Variants in MED12L observed in about 807,000 individuals in gnomAD.
The protein encoded by MED12L is mediator of RNA polymerase II transcription subunit 12-like protein.
In MED12L, 60 loss-of-function variants were observed where a neutral mutation model predicts 281.3. The observed-to-expected ratio is 0.21, with a 90% confidence interval of 0.17 to 0.26. The LOEUF (loss-of-function observed/expected upper bound fraction) is 0.26, where lower values mean the gene tolerates loss of function less well. MED12L is among the 10% of genes least tolerant of loss of function. MED12L has a pLI of 1.00. For missense variants in MED12L, 2,146 were observed against 2,680.9 expected (o/e 0.80, Z 4.41); for synonymous variants, 974 against 987.2 (o/e 0.99, Z 0.25).
chr3:151,435,380 A>AAGT lies in MED12L; in HGVS notation c.*2576_*2577insAGT. On this transcript the variant is annotated 3_prime_UTR_variant, in exon 45 of 45. Transcript: ENST00000687756. Reference sequence around the variant, plus strand: ...CCTTCTTGGCCTGGAAGTAGAGGAGATCAATGCGTAGCTTTGACCACTTCC... The same window carrying AAGT: ...CCTTCTTGGCCTGGAAGTAGAGGAGAAGTTCAATGCGTAGCTTTGACCACTTCC... The AAGT allele has an allele frequency of 6.6e-6, 1 of 152,074 alleles. No individual in the cohort carries two copies. The highest frequency in any genetic ancestry group is 6.5e-5 in the Admixed American group (1 of 15,276). 9.4% of individuals were successfully genotyped at this position (152,074 alleles called of 1,614,324 possible). A position where few individuals can be genotyped will look rare whatever the true frequency, so the allele number is the denominator to read the frequency against.
chr3:151,390,744 G>T (rs949485787), intron 38 of MED12L, among the ~76,000 whole-genome samples: 2 of 152,136 alleles, frequency 1.3e-5, no homozygotes, highest in African/African-American at 4.8e-5. Context: ...TGTCAGCATT[G>T]TTAGGATGTG....
At chr3:151,183,906 CT>C (rs924351288) in intron 11 of MED12L, among the ~76,000 whole-genome samples, 23 of 152,274 alleles carry the variant, frequency 1.5e-4, no homozygotes, top group Admixed American at 7.2e-4. Context: ...TAGGGTAACT[CT>C]TTTTGTTATC....
intron 5 of MED12L, among the ~76,000 whole-genome samples, chr3:151,141,201 G>GTTTTTTTTTT (rs1716973453): frequency 3.4e-5 from 2 of 58,320 alleles, no homozygotes; most frequent in South Asian, 5.4e-4. Flanking sequence ...TTTTTTTTTT[G>GTTTTTTTTTT]TTAGTAGAGA....
At chr3:151,339,458 C>A (rs992604831) in intron 16 of MED12L, among the ~76,000 whole-genome samples, 10 of 145,664 alleles carry the variant, frequency 6.9e-5, no homozygotes, top group African/African-American at 2.5e-4. Context: ...GACCTTTTTT[C>A]TTTATATTTG....
At position 151,371,557 on chromosome 3, in the gene MED12L, A is replaced by AT. The variant is rs1033801476; in HGVS notation, c.3665-1003dup. Among the ~76,000 whole-genome samples the AT allele has an allele frequency of 7.2e-5, 11 of 152,210 alleles. No homozygotes were observed. In the East Asian group the frequency reaches 7.7e-4, roughly 11 times the overall value. ...TTTGTTAGTAAATACTCAGTAAGCC[A>AT]TTTTTTTCAGCAAAGTCAAAACTTT... On this transcript the variant is annotated intron_variant, in intron 26 of 44. Coordinates refer to ENST00000687756, the MANE Select transcript of MED12L (RefSeq NM_001393769.1).
At chr3:151,181,574 G>GTT (rs1722698171) in intron 11 of MED12L, among the ~76,000 whole-genome samples, 1 of 86,034 alleles carries the variant, frequency 1.2e-5, no homozygotes, top group African/African-American at 4.6e-5. Context: ...TTAGCTCATT[G>GTT]TCTTTTTTTT....
At chr3:151,260,375 G>T (rs1738633065) in intron 16 of MED12L, among the ~76,000 whole-genome samples, 1 of 151,916 alleles carries the variant, frequency 6.6e-6, no homozygotes, top group Non-Finnish European at 1.5e-5. Context: ...TTTGAGACAG[G>T]GTCTTGCTCT....
chr3:151,356,274 C>G (rs2150053938), intron 19 of MED12L, among the ~76,000 whole-genome samples: 1 of 152,116 alleles, frequency 6.6e-6, no homozygotes, highest in East Asian at 1.9e-4. Context: ...TGCCTGTAGT[C>G]CCAGCTACTT....
At chr3:151,146,474 T>C (rs764122780) in intron 5 of MED12L, among the ~76,000 whole-genome samples, 4 of 152,204 alleles carry the variant, frequency 2.6e-5, no homozygotes, top group Non-Finnish European at 5.9e-5. Context: ...TTCTTCTCTT[T>C]GTAGCCTCAT....
chr3:151,376,191 C>A lies in MED12L; in HGVS notation c.4030C>A (p.Gln1344Lys). The A allele has an allele frequency of 6.3e-7, 1 of 1,593,748 alleles. No homozygotes were observed. The highest frequency in any genetic ancestry group is 8.5e-7 in the Non-Finnish European group (1 of 1,171,820). The change falls in exon 28 of 45, where the codon CAG (glutamine) becomes AAG (lysine). Residue 1344 changes from glutamine to lysine, a missense_variant. Physicochemically the swap from Gln to Lys is moderately conservative, Grantham distance 53. Transcript: ENST00000687756. ...ECTEGDNLQRQHIKRILQNLE... is the reference protein window; with the variant it reads ...ECTEGDNLQRKHIKRILQNLE... ...TACCGAGGGGGACAATCTGCAAAGA[C>A]AGCACATTAAGCGTATTCTTCAGGT...
chr3:151,247,946 CT>C (rs1241527168), intron 16 of MED12L, among the ~76,000 whole-genome samples: 2 of 80,424 alleles, frequency 2.5e-5, no homozygotes, highest in Non-Finnish European at 2.6e-5. Context: ...TGTTTACTTT[CT>C]TTCTTCTTCT....
intron 16 of MED12L, 92 bp from the exon 17 acceptor site, chr3:151,349,967 A>C: frequency 8.5e-7 from 1 of 1,182,632 alleles, no homozygotes; most frequent in Admixed American, 2.2e-5. Flanking sequence ...GCAAGCCAGC[A>C]TGGAGGTGCT....
intron 5 of MED12L, among the ~76,000 whole-genome samples, chr3:151,142,052 A>G (rs1416002924): frequency 2.6e-5 from 4 of 152,242 alleles, no homozygotes; most frequent in African/African-American, 9.6e-5. Flanking sequence ...TATACTACAA[A>G]ATAAGCTTGT....
chr3:151,322,096 A>G (rs187095334), intron 16 of MED12L, among the ~76,000 whole-genome samples: 199 of 152,328 alleles, frequency 1.3e-3, no homozygotes, highest in African/African-American at 4.6e-3. Flanking sequence ...GAACATGTTC[A>G]CTATGCACAT....
chr3:151,218,051 CCTTAT>C (rs1260266749), intron 16 of MED12L, among the ~76,000 whole-genome samples: 2 of 152,224 alleles, frequency 1.3e-5, no homozygotes, highest in Non-Finnish European at 2.9e-5. Context: ...AGTCTCCTCT[CCTTAT>C]CTTTAGTACA....
chr3:151,192,337 A>G (rs146450034), intron 14 of MED12L, among the ~76,000 whole-genome samples: 2 of 152,376 alleles, frequency 1.3e-5, no homozygotes, highest in Admixed American at 6.5e-5. Flanking sequence ...CTCTTAAAAT[A>G]TCATGGAAGT....
chr3:151,365,707 A>G (rs996202215), intron 22 of MED12L, 143 bp from the exon 23 acceptor site: 3 of 717,958 alleles, frequency 4.2e-6, no homozygotes, highest in Non-Finnish European at 6.5e-6. Context: ...CTACTAAGTT[A>G]TTTGACAAAT....
intron 16 of MED12L, among the ~76,000 whole-genome samples, chr3:151,245,898 A>T (rs1445386294): frequency 6.6e-6 from 1 of 151,808 alleles, no homozygotes; most frequent in Admixed American, 6.6e-5. Flanking sequence ...AATCTCCTTA[A>T]GCTGATAAGC....
intron 40 of MED12L, 24 bp downstream of exon 40, chr3:151,409,356 A>G (rs768365310): frequency 6.2e-7 from 1 of 1,607,866 alleles, no homozygotes; most frequent in South Asian, 1.1e-5. Flanking sequence ...CTTTGTAGGT[A>G]CTGACAGGAT....
Sources: gnomAD v4.1 joint callset for allele counts (sites outside exome capture counted in the v4.1 genomes callset) on GRCh38, gnomAD v4.1.1 for gene constraint, MANE v1.5 for transcripts, NCBI Gene and HGNC (gene_info 2026-07-23, HGNC 2026-07-21) for gene names.